Variants in ATP6V1C1 observed in about 807,000 individuals in gnomAD.
ATP6V1C1 encodes ATPase H+ transporting V1 subunit C1.
Under a neutral mutation model 53.9 loss-of-function variants are expected in ATP6V1C1, and 45 were observed. The ratio of observed to expected loss-of-function variants is 0.83; its 90% confidence interval spans 0.66 to 1.07. The LOEUF (loss-of-function observed/expected upper bound fraction) is 1.07, where lower values mean the gene tolerates loss of function less well. Ranked by LOEUF, ATP6V1C1 falls within the 50% of genes least tolerant of loss-of-function variation. ATP6V1C1 has a pLI of 0.00. For missense variants in ATP6V1C1, 315 were observed against 440.3 expected, an observed-to-expected ratio of 0.72 and a Z score of 2.55; for synonymous variants, 153 against 155.2, an observed-to-expected ratio of 0.99 and a Z score of 0.11.
At chr8:103,041,071 A>C in intron 2 of ATP6V1C1, 103 bp downstream of exon 2, 3 of 1,285,338 alleles carry the variant, frequency 2.3e-6, no homozygotes, top group Non-Finnish European at 1.0e-6. Flanking sequence ...TCCAAAGAAA[A>C]CCTCCTCTCC....
At chr8:103,066,596 G>A (rs1817495404) in intron 12 of ATP6V1C1, 149 bp downstream of exon 12, 1 of 900,266 alleles carries the variant, frequency 1.1e-6, no homozygotes, top group Non-Finnish European at 1.6e-6. Flanking sequence ...TGTAAACATA[G>A]TAATTTACAT....
intron 1 of ATP6V1C1, among the ~76,000 whole-genome samples, chr8:103,039,649 T>A (rs1816959540): frequency 6.6e-6 from 1 of 152,198 alleles, no homozygotes. Context: ...TTGATTTTTA[T>A]CATTTGTGTT....
chr8:103,024,329 G>A (rs983298011), intron 1 of ATP6V1C1, among the ~76,000 whole-genome samples: 20 of 152,086 alleles, frequency 1.3e-4, no homozygotes, highest in Non-Finnish European at 2.9e-4. Flanking sequence ...AGTCTTAGGA[G>A]CCTCATGTAC....
Position 103,029,978 on chromosome 8 carries a change from C to G in ATP6V1C1, c.-40+8753C>G, listed in dbSNP as rs998796813. On this transcript the variant is annotated intron_variant, in intron 1 of 12. Coordinates refer to ENST00000518738, the MANE Select transcript of ATP6V1C1 (RefSeq NM_001695.5). ...TGAACTCCTGAGCTCAAGTGATCCACCTGTCTTGGCCTCCCAAAGTGCTGG... is the reference window on the plus strand; with the variant it reads ...TGAACTCCTGAGCTCAAGTGATCCAGCTGTCTTGGCCTCCCAAAGTGCTGG... Among the ~76,000 whole-genome samples the G allele has an allele frequency of 2.6e-5, 4 of 152,160 alleles. No individual in the cohort carries two copies. In the East Asian group the frequency reaches 7.7e-4, roughly 29 times the overall value.
chr8:103,050,626 C>A (rs1189543523), intron 4 of ATP6V1C1, among the ~76,000 whole-genome samples: 2 of 152,124 alleles, frequency 1.3e-5, no homozygotes, highest in African/African-American at 4.8e-5. Context: ...CTCCTGGAAA[C>A]AATCATCACA....
chr8:103,041,059 C>T lies in ATP6V1C1; in HGVS notation c.132+91C>T, dbSNP rs563650442. 4.8e-5 allele frequency: 66 copies of T among 1,375,400 alleles called. No homozygotes were observed. The South Asian group carries it at 1.1e-3, about 24-fold the overall frequency. 85.2% of individuals were successfully genotyped at this position (1,375,400 alleles called of 1,614,324 possible). On this transcript the variant is annotated intron_variant, in intron 2 of 12. Transcript: ENST00000518738. ...TAGTGGAAATGAGATACCCAGGTTC[C>T]TTCCAAAGAAAACCTCCTCTCCAGC... is the stretch of plus-strand genomic sequence containing the variant.
chr8:103,027,371 G>A (rs1816716051), intron 1 of ATP6V1C1, among the ~76,000 whole-genome samples: 1 of 152,186 alleles, frequency 6.6e-6, no homozygotes, highest in South Asian at 2.1e-4. Context: ...TCAGTTAAGT[G>A]TCGGAGCACT....
At chr8:103,067,598 CTTTTTTTTTTT>C (rs764474136) in intron 12 of ATP6V1C1, among the ~76,000 whole-genome samples, 5 of 114,980 alleles carry the variant, frequency 4.3e-5, no homozygotes, top group Non-Finnish European at 7.4e-5. Flanking sequence ...TTTTCTTTTT[CTTTTTTTTTTT>C]TTTTTTTTCG....
chr8:103,055,995 G>A (rs1817284300), intron 8 of ATP6V1C1, 59 bp downstream of exon 8: 5 of 1,513,964 alleles, frequency 3.3e-6, no homozygotes, highest in Admixed American at 1.7e-5. Context: ...GAGTTTGGAT[G>A]TTGGCTTAGG....
intron 9 of ATP6V1C1, 23 bp downstream of exon 9, chr8:103,063,070 T>C (rs1339482737): frequency 6.2e-7 from 1 of 1,612,964 alleles, no homozygotes; most frequent in East Asian, 2.2e-5. Flanking sequence ...TTTTTTTGTT[T>C]ATTTACTTTG....
At chr8:103,045,778 A>G (rs902668689) in intron 3 of ATP6V1C1, among the ~76,000 whole-genome samples, 1 of 152,112 alleles carries the variant, frequency 6.6e-6, no homozygotes, top group African/African-American at 2.4e-5. Context: ...CGTCTCTACT[A>G]AAAATACAAA....
At chr8:103,036,298 A>G (rs1816898392) in intron 1 of ATP6V1C1, among the ~76,000 whole-genome samples, 1 of 152,226 alleles carries the variant, frequency 6.6e-6, no homozygotes, top group Non-Finnish European at 1.5e-5. Context: ...AAAATGATGT[A>G]TGAGAAGTGA....
intron 8 of ATP6V1C1, among the ~76,000 whole-genome samples, chr8:103,056,525 G>A (rs1001595383): frequency 3.9e-5 from 6 of 152,136 alleles, no homozygotes; most frequent in African/African-American, 1.4e-4. Context: ...AAGAAGTATG[G>A]ACAGTTATCA....
At chr8:103,022,045 G>A (rs1816606434) in intron 1 of ATP6V1C1, among the ~76,000 whole-genome samples, 1 of 152,152 alleles carries the variant, frequency 6.6e-6, no homozygotes, top group South Asian at 2.1e-4. Context: ...TAACGTTGGA[G>A]AGAAAAGTCT....
At chr8:103,029,179 A>G (rs1449058629) in intron 1 of ATP6V1C1, among the ~76,000 whole-genome samples, 2 of 152,114 alleles carry the variant, frequency 1.3e-5, no homozygotes, top group Non-Finnish European at 2.9e-5. Flanking sequence ...GCCAAAGGAT[A>G]TGCACATTTT....
chr8:103,068,069 C>A (rs57362016), intron 12 of ATP6V1C1, among the ~76,000 whole-genome samples: 1 of 152,128 alleles, frequency 6.6e-6, no homozygotes, highest in African/African-American at 2.4e-5. Flanking sequence ...CAGCCTCAAC[C>A]TCTATGCTCA....
chr8:103,055,718 A>C (rs1586323366), intron 7 of ATP6V1C1, 150 bp from the exon 8 acceptor site: 1 of 595,434 alleles, frequency 1.7e-6, no homozygotes, highest in East Asian at 3.2e-5. Flanking sequence ...CATTCTCAGT[A>C]GGAAACCCGA....
chr8:103,025,130 G>A (rs1248348731), intron 1 of ATP6V1C1, among the ~76,000 whole-genome samples: 2 of 152,066 alleles, frequency 1.3e-5, no homozygotes, highest in African/African-American at 2.4e-5. Flanking sequence ...AGGGATCGAT[G>A]GATCTTCTAA....
At chr8:103,030,922 A>G (rs1305327091) in intron 1 of ATP6V1C1, among the ~76,000 whole-genome samples, 1 of 152,202 alleles carries the variant, frequency 6.6e-6, no homozygotes, top group East Asian at 1.9e-4. Context: ...AGAATCCCCA[A>G]AAGGTTAGAC....
Sources: gnomAD v4.1 joint callset for allele counts (sites outside exome capture counted in the v4.1 genomes callset) on GRCh38, gnomAD v4.1.1 for gene constraint, MANE v1.5 for transcripts, NCBI Gene and HGNC (gene_info 2026-07-23, HGNC 2026-07-21) for gene names.